ZNF536: variants seen among roughly 807,000 people sequenced by gnomAD.
The protein encoded by ZNF536 is zinc finger protein 536.
Under a neutral mutation model 84.5 loss-of-function variants are expected in ZNF536, and 13 were observed. The observed-to-expected ratio is 0.15, with a 90% CI of 0.10 to 0.24. The LOEUF (loss-of-function observed/expected upper bound fraction) is 0.24, where lower values mean the gene tolerates loss of function less well. Among genes scored for constraint, ZNF536 ranks in the 10% least tolerant of loss-of-function variants. The pLI, the probability that ZNF536 is intolerant of heterozygous loss-of-function variation, is 1.00. For synonymous variants in ZNF536, 811 were observed against 742.5 expected, an observed-to-expected ratio of 1.09 and a Z score of -1.50; for missense variants, 1,536 against 1,747.5, an observed-to-expected ratio of 0.88 and a Z score of 2.16.
intron 1 of ZNF536, among the ~76,000 whole-genome samples, chr19:30,439,422 C>T (rs375672099): frequency 2.6e-5 from 4 of 152,054 alleles, no homozygotes; most frequent in African/African-American, 9.7e-5. Context: ...AAATTGGGGC[C>T]GACCCAGGTT....
downstream of ZNF536, among the ~76,000 whole-genome samples, chr19:30,558,804 CTGAGCCCTTGTCTAACTGGTCCTTTTG>C (rs1185372388): frequency 8.5e-5 from 13 of 152,160 alleles, no homozygotes; most frequent in Non-Finnish European, 1.9e-4. Flanking sequence ...ATGACCATCC[CTGAGCCCTTGTCTAACTGGTCCTTTTG>C]GGGGACTGGG....
intron 2 of ZNF536, among the ~76,000 whole-genome samples, chr19:30,533,519 C>CAA (rs111353893): frequency 8.4e-6 from 1 of 119,314 alleles, no homozygotes; most frequent in Non-Finnish European, 1.8e-5. Flanking sequence ...GACGCTGTCT[C>CAA]AAAAAAAAAA....
intron 2 of ZNF536, among the ~76,000 whole-genome samples, chr19:30,446,512 T>C (rs1600767360): frequency 6.6e-6 from 1 of 152,102 alleles, no homozygotes; most frequent in East Asian, 1.9e-4. Flanking sequence ...ATTCCCATAA[T>C]TCTCTCATGC....
chr19:30,401,592 A>G (rs1299157919), intron 1 of ZNF536, among the ~76,000 whole-genome samples: 1 of 152,250 alleles, frequency 6.6e-6, no homozygotes, highest in Non-Finnish European at 1.5e-5. Flanking sequence ...TCTCAGATTA[A>G]AGTGGGATTT....
intron 1 of ZNF536, among the ~76,000 whole-genome samples, chr19:30,703,547 G>A (rs933390470): frequency 3.3e-5 from 5 of 152,108 alleles, no homozygotes; most frequent in Admixed American, 1.3e-4. Flanking sequence ...AAGGTCCTCC[G>A]GTTTCCCAGA....
intron 2 of ZNF536, among the ~76,000 whole-genome samples, chr19:30,312,786 G>A (rs1216472971): frequency 6.6e-6 from 1 of 152,210 alleles, no homozygotes; most frequent in Non-Finnish European, 1.5e-5. Flanking sequence ...GCCTCGGGCG[G>A]CCTAGTGGGC....
rs570416051 is a variant in ZNF536, at chr19:30,462,489, C to T, written c.2170+16757C>T. ...CTCTGTGCCTGTGTGTATGTGTTGGCGTGTGTGTCTTGGGCTATGGCTGTC... is the reference window on the plus strand; with the variant it reads ...CTCTGTGCCTGTGTGTATGTGTTGGTGTGTGTGTCTTGGGCTATGGCTGTC... On this transcript the variant is annotated intron_variant, in intron 2 of 4. Transcript: ENST00000355537. Among the ~76,000 whole-genome samples the T allele has an allele frequency of 4.4e-4, 67 of 151,680 alleles. 1 individual carries two copies. In the South Asian group the frequency reaches 0.013, roughly 29 times the overall value.
rs879458413 is a variant in ZNF536, at chr19:30,557,845, G to A, written c.*681G>A. The A allele has an allele frequency of 5.2e-5, 8 of 152,702 alleles. No individual in the cohort carries two copies. Among genetic ancestry groups the A allele is most frequent in the Non-Finnish European group, 8.8e-5 (6 of 68,032 alleles). 9.5% of individuals were successfully genotyped at this position (152,702 alleles called of 1,614,324 possible). A position where few individuals can be genotyped will look rare whatever the true frequency, so the allele number is the denominator to read the frequency against. On this transcript the variant is annotated 3_prime_UTR_variant, in exon 5 of 5. Transcript: ENST00000355537. Reference sequence around the variant, plus strand: ...TGCTTTGGAACAGAGTATTGTTGAAGTAATTAGAAGATATATTAAGGTGTT... The same window carrying A: ...TGCTTTGGAACAGAGTATTGTTGAAATAATTAGAAGATATATTAAGGTGTT...
At chr19:30,492,409 A>G (rs1396283127) in intron 2 of ZNF536, among the ~76,000 whole-genome samples, 3 of 152,068 alleles carry the variant, frequency 2.0e-5, no homozygotes, top group Non-Finnish European at 4.4e-5. Flanking sequence ...CCCCCTTCCC[A>G]TCATTTCTGG....
intron 1 of ZNF536, among the ~76,000 whole-genome samples, chr19:30,698,950 T>A (rs533494617): frequency 6.6e-5 from 10 of 152,244 alleles, no homozygotes; most frequent in Non-Finnish European, 1.0e-4. Flanking sequence ...CAATCATTTA[T>A]GCCAGTATGA....
At chr19:30,473,746 G>A (rs527402469) in intron 2 of ZNF536, among the ~76,000 whole-genome samples, 20 of 152,206 alleles carry the variant, frequency 1.3e-4, no homozygotes, top group Middle Eastern at 3.4e-3. Context: ...GAGACGTCCC[G>A]CCCATCCTGT....
chr19:30,256,593 C>A (rs1029948310), intron 1 of ZNF536, among the ~76,000 whole-genome samples: 2 of 152,172 alleles, frequency 1.3e-5, no homozygotes, highest in Non-Finnish European at 2.9e-5. Flanking sequence ...TCCAGAAAGA[C>A]CCGAGTGAGG....
chr19:30,313,124 A>G (rs1196653273), intron 2 of ZNF536, among the ~76,000 whole-genome samples: 1 of 152,230 alleles, frequency 6.6e-6, no homozygotes, highest in Non-Finnish European at 1.5e-5. Flanking sequence ...TGGCAGACAC[A>G]GAGCCCGGGG....
chr19:30,357,568 G>GT (rs1568356421), intron 3 of ZNF536, among the ~76,000 whole-genome samples: 1 of 152,174 alleles, frequency 6.6e-6, no homozygotes, highest in African/African-American at 2.4e-5. Flanking sequence ...GGTGGCCTTC[G>GT]TTTTCCTCTG....
chr19:30,251,013 A>G (rs1303576960), intron 1 of ZNF536, among the ~76,000 whole-genome samples: 1 of 151,970 alleles, frequency 6.6e-6, no homozygotes, highest in Non-Finnish European at 1.5e-5. Context: ...GATCTCGGTG[A>G]ACTTGATACC....
chr19:30,479,007 A>G (rs2053964849), intron 2 of ZNF536, among the ~76,000 whole-genome samples: 1 of 152,042 alleles, frequency 6.6e-6, no homozygotes, highest in Non-Finnish European at 1.5e-5. Context: ...CCAATCCCTC[A>G]AGTCCTTTCT....
chr19:30,548,873 A>G lies in ZNF536; in HGVS notation c.3254A>G (p.Lys1085Arg), dbSNP rs2146223438. The change falls in exon 4 of 5, where the codon AAG (lysine) becomes AGG (arginine). Residue 1085 changes from lysine to arginine, a missense_variant. Physicochemically the swap from Lys to Arg is conservative, Grantham distance 26. Transcript: ENST00000355537. ...ASEKMAQGQL[K>R]ETLGEQKSGA... Reference sequence around the variant, plus strand: ...GAGAAGATGGCCCAAGGTCAGCTCAAGGAGACTCTGGGAGAGCAGAAGAGC... The same window carrying G: ...GAGAAGATGGCCCAAGGTCAGCTCAGGGAGACTCTGGGAGAGCAGAAGAGC... 1 of 1,614,142 alleles carries G rather than the reference A, an allele frequency of 6.2e-7. No individual in the cohort carries two copies. Among genetic ancestry groups the G allele is most frequent in the Non-Finnish European group, 8.5e-7 (1 of 1,180,038 alleles).
intron 1 of ZNF536, among the ~76,000 whole-genome samples, chr19:30,608,065 A>G (rs1157585435): frequency 6.6e-6 from 1 of 152,230 alleles, no homozygotes; most frequent in African/African-American, 2.4e-5. Flanking sequence ...TTCACCAAAT[A>G]TCTTTTGCGT....
intron 1 of ZNF536, among the ~76,000 whole-genome samples, chr19:30,601,997 G>A (rs1384105403): frequency 1.3e-5 from 2 of 152,326 alleles, no homozygotes; most frequent in East Asian, 3.9e-4. Flanking sequence ...GGGAAGCAAG[G>A]TCCACTCATT....
Sources: gnomAD v4.1 joint callset for allele counts (sites outside exome capture counted in the v4.1 genomes callset) on GRCh38, gnomAD v4.1.1 for gene constraint, MANE v1.5 for transcripts, NCBI Gene and HGNC (gene_info 2026-07-23, HGNC 2026-07-21) for gene names.